The following NAV3 variants were observed in gnomAD, a reference collection of about 807,000 sequenced individuals.
NAV3 encodes the protein pore membrane and/or filament interacting like protein 1.
Under a neutral mutation model 244.7 loss-of-function variants are expected in NAV3, and 87 were observed. The ratio of observed to expected loss-of-function variants is 0.36; its 90% CI spans 0.30 to 0.42. The LOEUF (loss-of-function observed/expected upper bound fraction) is 0.42, where lower values mean the gene tolerates loss of function less well. Ranked by LOEUF, NAV3 falls within the 20% of genes least tolerant of loss-of-function variation. The pLI, the probability that NAV3 is intolerant of heterozygous loss-of-function variation, is 1.00. For synonymous variants in NAV3, 1,126 were observed against 1,042.2 expected (o/e 1.08, Z -1.55); for missense variants, 2,663 against 2,893.3 (o/e 0.92, Z 1.83).
At chr12:78,072,780 A>G (rs1952842136) in intron 12 of NAV3, among the ~76,000 whole-genome samples, 1 of 140,932 alleles carries the variant, frequency 7.1e-6, no homozygotes, top group East Asian at 2.1e-4. Flanking sequence ...TGATGCAAAA[A>G]TCCTCAATAA....
rs1380625470 is a variant in NAV3 at position 78,118,297 on chromosome 12, G to A, written c.3040G>A (p.Gly1014Arg). ...KAGTSALKTP[G>R]KTDDAKASEK... ...TGGAACAAGTGCACTCAAAACACCC[G>A]GTAGGCTTGTCGTTTGCCAGCTGTT... is the stretch of plus-strand genomic sequence containing the variant. The change falls in exon 14 of 40, where the codon GGG (glycine) becomes AGG (arginine). Residue 1014 changes from glycine to arginine, a missense_variant and splice_region_variant. Gly to Arg is a moderately radical substitution (Grantham distance 125). Around this residue, in one of 6 missense-constraint regions of NAV3, gnomAD observed 1,521 missense variants for 1,497.0 expected, o/e 1.02. Transcript: ENST00000397909. 12 of 1,589,110 alleles carry A rather than the reference G, an allele frequency of 7.6e-6. No homozygotes were observed. Among genetic ancestry groups the A allele is most frequent in the Non-Finnish European group, 9.4e-6 (11 of 1,164,614 alleles).
At chr12:77,599,396 A>G (rs1271100625) in intron 2 of NAV3, among the ~76,000 whole-genome samples, 1 of 151,968 alleles carries the variant, frequency 6.6e-6, no homozygotes, top group Non-Finnish European at 1.5e-5. Flanking sequence ...CAGGGAATAT[A>G]ACCATAAAAA....
rs546443516 is a variant in NAV3, at chr12:77,686,044, T to C, written c.72+113778T>C. Among the ~76,000 whole-genome samples the C allele has an allele frequency of 3.0e-4, 45 of 152,312 alleles. No individual in the cohort carries two copies. In the Middle Eastern group the frequency reaches 0.01, roughly 35 times the overall value. Reference sequence around the variant, plus strand: ...AAATGGATGGATTTGACTCTCTAGATGTGGAATTCCTCCTCTCCCATCATG... The same window carrying C: ...AAATGGATGGATTTGACTCTCTAGACGTGGAATTCCTCCTCTCCCATCATG... On this transcript the variant is annotated intron_variant, in intron 2 of 8. Coordinates refer to the NAV3 transcript ENST00000550042.
At chr12:78,182,954 A>T (rs1395629637) in intron 30 of NAV3, among the ~76,000 whole-genome samples, 1 of 151,966 alleles carries the variant, frequency 6.6e-6, no homozygotes, top group Non-Finnish European at 1.5e-5. Context: ...ATCTTAAGAT[A>T]AAGAAAGTAG....
intron 2 of NAV3, among the ~76,000 whole-genome samples, chr12:77,773,281 C>T (rs1436763229): frequency 1.3e-5 from 2 of 150,614 alleles, no homozygotes; most frequent in South Asian, 2.1e-4. Flanking sequence ...AAAAATGTAT[C>T]GAAATGATTG....
At chr12:77,877,433 GA>G (rs774287546) in intron 1 of NAV3, among the ~76,000 whole-genome samples, 2 of 151,880 alleles carry the variant, frequency 1.3e-5, no homozygotes, top group Non-Finnish European at 2.9e-5. Flanking sequence ...AGTATATTTT[GA>G]GACCTTTCAT....
At chr12:78,169,885 C>T (rs1420945168) in intron 24 of NAV3, among the ~76,000 whole-genome samples, 1 of 151,736 alleles carries the variant, frequency 6.6e-6, no homozygotes, top group African/African-American at 2.4e-5. Context: ...ATGTTCGTGA[C>T]ATCATACATT....
intron 2 of NAV3, among the ~76,000 whole-genome samples, chr12:77,802,439 T>G (rs952458): frequency 0.28 from 42,583 of 152,216 alleles, 6,574 homozygotes; most frequent in East Asian, 0.42. Flanking sequence ...GGTTTACATT[T>G]GTAGCTTAAT....
At chr12:77,966,431 A>G in intron 4 of NAV3, 130 bp downstream of exon 4, 1 of 702,100 alleles carries the variant, frequency 1.4e-6, no homozygotes, top group African/African-American at 1.8e-5. Context: ...GAAGTCTTCA[A>G]GACAACCGAA....
chr12:77,917,979 A>T (rs1452723841), intron 1 of NAV3, among the ~76,000 whole-genome samples: 1 of 152,080 alleles, frequency 6.6e-6, no homozygotes, highest in East Asian at 1.9e-4. Flanking sequence ...TGGCATTTTA[A>T]AAAACTTGAA....
chr12:78,188,801 G>A (rs749573729), intron 33 of NAV3, 24 bp downstream of exon 33: 1 of 1,602,334 alleles, frequency 6.2e-7, no homozygotes, highest in Non-Finnish European at 8.5e-7. Flanking sequence ...TGAAAAGCAA[G>A]GCAGAAATAT....
rs887197264 is a variant in NAV3, at chr12:78,024,996, A to C, written c.2023+3134A>C. Among the ~76,000 whole-genome samples, 117 of 150,930 alleles carry C rather than the reference A, an allele frequency of 7.8e-4. No homozygotes were observed. The East Asian group carries it at 0.022, about 28-fold the overall frequency. ...TCTCAAGAAAAAGGGGGAAAAAAAA[A>C]GCCACAACTTCCCTTGACCCCAAAT... On this transcript the variant is annotated intron_variant, in intron 9 of 39. Coordinates refer to ENST00000397909, the MANE Select transcript of NAV3 (RefSeq NM_001024383.2).
chr12:78,063,783 T>C (rs1259630625), intron 12 of NAV3, among the ~76,000 whole-genome samples: 1 of 151,952 alleles, frequency 6.6e-6, no homozygotes, highest in Non-Finnish European at 1.5e-5. Flanking sequence ...TCAGAAGGAA[T>C]GTGGGGAGTG....
At position 77,912,078 on chromosome 12, in the gene NAV3, T is replaced by C. The variant is rs140112098; in HGVS notation, c.244-28241T>C. Among the ~76,000 whole-genome samples the C allele has an allele frequency of 4.7e-4, 71 of 152,238 alleles. 1 individual carries two copies. In the East Asian group the frequency reaches 0.013, roughly 27 times the overall value. On this transcript the variant is annotated intron_variant, in intron 1 of 39. Coordinates refer to ENST00000397909, the MANE Select transcript of NAV3 (RefSeq NM_001024383.2). ...GCAAGCATTCCTTGAGGCAAGGTAA[T>C]GTAAATTTCCTGGCATATAATACTG...
chr12:77,639,233 A>G (rs991091818), intron 2 of NAV3, among the ~76,000 whole-genome samples: 5 of 152,200 alleles, frequency 3.3e-5, no homozygotes, highest in Non-Finnish European at 5.9e-5. Flanking sequence ...TAAGGACTAC[A>G]TGAATGTCCT....
At chr12:77,676,568 T>TTC (rs1365719000) in intron 2 of NAV3, among the ~76,000 whole-genome samples, 3 of 151,548 alleles carry the variant, frequency 2.0e-5, no homozygotes, top group Non-Finnish European at 2.9e-5. Context: ...CCTTTTTTTT[T>TTC]TTTTAAATTT....
At chr12:77,739,024 A>G (rs1182364816) in intron 2 of NAV3, among the ~76,000 whole-genome samples, 5 of 150,208 alleles carry the variant, frequency 3.3e-5, no homozygotes, top group Non-Finnish European at 7.4e-5. Flanking sequence ...AAAAAAAAAA[A>G]AAAAAAAAAA....
At chr12:77,654,725 A>C (rs1180842424) in intron 2 of NAV3, among the ~76,000 whole-genome samples, 1 of 152,072 alleles carries the variant, frequency 6.6e-6, no homozygotes, top group Non-Finnish European at 1.5e-5. Flanking sequence ...GCAGACTGAC[A>C]CCTCACATGG....
chr12:77,741,625 A>G lies in NAV3; in HGVS notation c.72+169359A>G, dbSNP rs887731500. Among the ~76,000 whole-genome samples, 5 of 152,286 alleles carry G rather than the reference A, an allele frequency of 3.3e-5. No homozygotes were observed. The South Asian group carries it at 8.3e-4, about 25-fold the overall frequency. ...TATTTTCAAATAGTTTGTCTGATAA[A>G]TAGAAGATTTGCATTATTGAAAATG... On this transcript the variant is annotated intron_variant, in intron 2 of 8. Coordinates refer to the NAV3 transcript ENST00000550042.
Sources: gnomAD v4.1 joint callset for allele counts (sites outside exome capture counted in the v4.1 genomes callset) on GRCh38, gnomAD v4.1.1 for gene constraint, gnomAD v4.1.1 regional missense constraint, MANE v1.5 for transcripts, NCBI Gene and HGNC (gene_info 2026-07-23, HGNC 2026-07-21) for gene names.